PRIM2: variants seen among roughly 807,000 people sequenced by gnomAD.
The protein encoded by PRIM2 is DNA primase large subunit.
Under a neutral mutation model 67.3 loss-of-function variants are expected in PRIM2, and 39 were observed. That is an observed-to-expected ratio of 0.58 (90% CI 0.45 to 0.76). PRIM2 has a LOEUF of 0.76. Among genes scored for constraint, PRIM2 ranks in the 30% least tolerant of loss-of-function variants. The pLI, the probability that PRIM2 is intolerant of heterozygous loss-of-function variation, is 0.00. For missense variants in PRIM2, 398 were observed against 598.7 expected (o/e 0.66, Z 3.50); for synonymous variants, 143 against 198.7 (o/e 0.72, Z 2.36).
intron 8 of PRIM2, among the ~76,000 whole-genome samples, chr6:57,515,487 A>G (rs1581964057): frequency 6.6e-6 from 1 of 152,242 alleles, no homozygotes; most frequent in African/African-American, 2.4e-5. Flanking sequence ...ATCTTGCCCA[A>G]GTGAGAAAGT....
chr6:57,548,580 T>A lies in PRIM2; in HGVS notation c.1020+10955T>A, dbSNP rs1310720308. 1.2e-4 allele frequency among the ~76,000 whole-genome samples: 18 copies of A among 152,346 alleles called. No homozygotes were observed. In the East Asian group the frequency reaches 3.1e-3, roughly 26 times the overall value. ...ATATGAACCTCTGTTTCCTATGTGATGTTCCCTGAGTGTAGAATTTGTTTC... is the reference window on the plus strand; with the variant it reads ...ATATGAACCTCTGTTTCCTATGTGAAGTTCCCTGAGTGTAGAATTTGTTTC... On this transcript the variant is annotated intron_variant, in intron 10 of 13. Transcript: ENST00000615550.
At chr6:57,510,458 G>A (rs1357428351) in intron 8 of PRIM2, among the ~76,000 whole-genome samples, 2 of 152,254 alleles carry the variant, frequency 1.3e-5, no homozygotes, top group East Asian at 1.9e-4. Flanking sequence ...TCCTCCATCT[G>A]AGTATGGTAA....
chr6:57,376,233 C>G (rs1385581901), intron 5 of PRIM2, among the ~76,000 whole-genome samples: 1 of 151,990 alleles, frequency 6.6e-6, no homozygotes, highest in Non-Finnish European at 1.5e-5. Flanking sequence ...AGGCTAGTCT[C>G]AAACTCCTGG....
chr6:57,361,909 A>G (rs1270078663), intron 5 of PRIM2, among the ~76,000 whole-genome samples: 1 of 152,094 alleles, frequency 6.6e-6, no homozygotes, highest in Non-Finnish European at 1.5e-5. Context: ...GGGAAAAAAA[A>G]GTGGGCATTG....
At chr6:57,617,372 A>G (rs1442449725) in intron 12 of PRIM2, among the ~76,000 whole-genome samples, 1 of 152,212 alleles carries the variant, frequency 6.6e-6, no homozygotes, top group African/African-American at 2.4e-5. Context: ...TCCAAATAAG[A>G]TCACATTTTT....
chr6:57,519,268 G>A (rs1245479188), intron 8 of PRIM2, among the ~76,000 whole-genome samples: 5 of 152,168 alleles, frequency 3.3e-5, no homozygotes, highest in African/African-American at 1.2e-4. Context: ...TCAGGAGACG[G>A]GTTTTTGAGA....
intron 10 of PRIM2, among the ~76,000 whole-genome samples, chr6:57,557,758 C>T (rs1445544476): frequency 6.6e-6 from 1 of 151,712 alleles, no homozygotes; most frequent in Admixed American, 6.6e-5. Context: ...ACATATCCCC[C>T]AAACTTAAAA....
the PRIM2 span, among the ~76,000 whole-genome samples, chr6:57,281,806 A>G: frequency 3.3e-5 from 5 of 152,158 alleles, no homozygotes; most frequent in Admixed American, 2.6e-4. Context: ...TAAGATATTG[A>G]TAAGTGATCT....
the PRIM2 span, among the ~76,000 whole-genome samples, chr6:57,225,860 A>G: frequency 6.6e-6 from 1 of 152,240 alleles, no homozygotes; most frequent in African/African-American, 2.4e-5. Flanking sequence ...TAGAAATCAC[A>G]GTATTTGGCT....
chr6:57,495,058 C>G (rs1773975063), intron 7 of PRIM2, among the ~76,000 whole-genome samples: 1 of 152,088 alleles, frequency 6.6e-6, no homozygotes, highest in Admixed American at 6.5e-5. Context: ...TCACAAGGCT[C>G]TAGTTTTAAT....
intron 5 of PRIM2, among the ~76,000 whole-genome samples, chr6:57,364,779 C>T (rs574200707): frequency 2.9e-4 from 44 of 152,124 alleles, no homozygotes; most frequent in African/African-American, 9.4e-4. Context: ...CTAATGTCCT[C>T]AGAGCAAAAA....
chr6:57,282,456 C>T, the PRIM2 span, among the ~76,000 whole-genome samples: 1 of 152,088 alleles, frequency 6.6e-6, no homozygotes, highest in African/African-American at 2.4e-5. Context: ...TTGCTAATTC[C>T]AAAAAGCTAA....
chr6:57,583,343 A>C (rs1411263416), intron 10 of PRIM2, among the ~76,000 whole-genome samples: 3 of 85,646 alleles, frequency 3.5e-5, no homozygotes, highest in African/African-American at 4.8e-5. Context: ...CCCACCCCAC[A>C]ACAGTCCCCA....
At chr6:57,583,094 A>G (rs1351172936) in intron 10 of PRIM2, among the ~76,000 whole-genome samples, 1 of 151,044 alleles carries the variant, frequency 6.6e-6, no homozygotes, top group African/African-American at 2.4e-5. Flanking sequence ...AATTTCATCC[A>G]TGTCCCTACA....
At chr6:57,639,660 T>C (rs1213886134) in intron 13 of PRIM2, among the ~76,000 whole-genome samples, 2 of 127,828 alleles carry the variant, frequency 1.6e-5, no homozygotes, top group Non-Finnish European at 3.3e-5. Flanking sequence ...TCTGGACACA[T>C]ACACCCTCCC....
the PRIM2 span, among the ~76,000 whole-genome samples, chr6:57,242,511 T>C: frequency 6.6e-6 from 1 of 152,190 alleles, no homozygotes; most frequent in Non-Finnish European, 1.5e-5. Context: ...TAACTTACAA[T>C]TGACTTAAAT....
chr6:57,615,020 C>T (rs1316147010), intron 12 of PRIM2, among the ~76,000 whole-genome samples: 5 of 152,200 alleles, frequency 3.3e-5, no homozygotes, highest in African/African-American at 7.2e-5. Flanking sequence ...TCTGAAGTTT[C>T]TAATTATTCT....
At chr6:57,474,423 C>G (rs1773424383) in intron 7 of PRIM2, among the ~76,000 whole-genome samples, 2 of 152,130 alleles carry the variant, frequency 1.3e-5, no homozygotes, top group African/African-American at 4.8e-5. Context: ...ATCTGCCCGC[C>G]TCAGCCTCCC....
At chr6:57,434,512 T>G (rs1482009207) in intron 7 of PRIM2, among the ~76,000 whole-genome samples, 2 of 152,156 alleles carry the variant, frequency 1.3e-5, no homozygotes, top group African/African-American at 2.4e-5. Context: ...GTGATGCCAT[T>G]CATGAGGTAT....
Sources: allele counts gnomAD v4.1 joint callset (sites outside exome capture counted in the v4.1 genomes callset), GRCh38; gene constraint gnomAD v4.1.1; transcripts MANE v1.5; gene names NCBI Gene and HGNC (gene_info 2026-07-23, HGNC 2026-07-21).